The following GPC5 variants were observed in gnomAD, a reference collection of about 807,000 sequenced individuals.
The protein encoded by GPC5 is glypican 5.
In GPC5, 47 loss-of-function variants were observed where a neutral mutation model predicts 53.9. The observed-to-expected ratio is 0.87, with a 90% CI of 0.69 to 1.11. The LOEUF (loss-of-function observed/expected upper bound fraction) is 1.11, where lower values mean the gene tolerates loss of function less well. Ranked by LOEUF, GPC5 falls within the 50% of genes most tolerant of loss-of-function variation. The probability of loss-of-function intolerance (pLI) is 0.00; values close to 1 mark genes in which losing one functional copy is unlikely to be tolerated. For missense variants in GPC5, 748 were observed against 713.1 expected (o/e 1.05, Z -0.56); for synonymous variants, 286 against 263.3 (o/e 1.09, Z -0.84).
intron 6 of GPC5, among the ~76,000 whole-genome samples, chr13:92,048,090 A>G (rs2138834262): frequency 6.6e-6 from 1 of 152,164 alleles, no homozygotes; most frequent in South Asian, 2.1e-4. Context: ...CTTAGACGAT[A>G]GATAACATTA....
At chr13:92,541,945 A>C (rs924168866) in intron 7 of GPC5, among the ~76,000 whole-genome samples, 1 of 152,038 alleles carries the variant, frequency 6.6e-6, no homozygotes, top group African/African-American at 2.4e-5. Flanking sequence ...TTGTAGGTCT[A>C]CTTCTGAAGT....
At chr13:92,020,996 G>T (rs2040753135) in intron 6 of GPC5, among the ~76,000 whole-genome samples, 1 of 152,012 alleles carries the variant, frequency 6.6e-6, no homozygotes, top group Non-Finnish European at 1.5e-5. Context: ...GTTGATTTTT[G>T]TGTACGCCAT....
chr13:92,095,684 G>A lies in GPC5; in HGVS notation c.1402-49146G>A, dbSNP rs1455481482. Among the ~76,000 whole-genome samples, 14 of 152,138 alleles carry A rather than the reference G, an allele frequency of 9.2e-5. 1 individual carries two copies. Among genetic ancestry groups the A allele is most frequent in the Admixed American group, 6.5e-4 (10 of 15,284 alleles). ...TGAGTAGCTGGGATTATAGGCGTGCGCCACCATGCCCGGCTAATTTTGGCA... is the reference window on the plus strand; with the variant it reads ...TGAGTAGCTGGGATTATAGGCGTGCACCACCATGCCCGGCTAATTTTGGCA... On this transcript the variant is annotated intron_variant, in intron 6 of 7. Coordinates refer to ENST00000377067, the MANE Select transcript of GPC5 (RefSeq NM_004466.6).
At chr13:92,683,836 A>G (rs1298287196) in intron 7 of GPC5, among the ~76,000 whole-genome samples, 3 of 152,046 alleles carry the variant, frequency 2.0e-5, no homozygotes, top group Non-Finnish European at 2.9e-5. Flanking sequence ...CATTTCTCCT[A>G]TTTTTAACAT....
At chr13:92,081,463 T>C (rs1312310584) in intron 6 of GPC5, among the ~76,000 whole-genome samples, 3 of 152,146 alleles carry the variant, frequency 2.0e-5, no homozygotes, top group Non-Finnish European at 4.4e-5. Context: ...TGTTGAATAA[T>C]GATGAATAAA....
rs184477142 is a variant in GPC5 at position 92,015,257 on chromosome 13, C to T, written c.1401+107200C>T. ...AATTAGCCAAAAATATCAGTAGTGA[C>T]GGATGCTATTTAGAAACCCTGTCTT... On this transcript the variant is annotated intron_variant, in intron 6 of 7. Transcript: ENST00000377067. Among the ~76,000 whole-genome samples, 137 of 152,212 alleles carry T rather than the reference C, an allele frequency of 9.0e-4. 1 individual carries two copies. The highest frequency in any genetic ancestry group is 3.4e-3 in the Middle Eastern group (1 of 292).
chr13:91,639,515 G>T (rs913720510), intron 2 of GPC5, among the ~76,000 whole-genome samples: 4 of 152,178 alleles, frequency 2.6e-5, no homozygotes, highest in African/African-American at 4.8e-5. Context: ...TCAAAGAAGT[G>T]ATACTTCCTT....
chr13:92,421,236 A>G (rs538136950), intron 7 of GPC5, among the ~76,000 whole-genome samples: 37 of 152,250 alleles, frequency 2.4e-4, no homozygotes, highest in Middle Eastern at 3.4e-3. Context: ...ACAACACACA[A>G]TTCAAAATGT....
At chr13:91,529,464 C>T (rs1007252922) in intron 2 of GPC5, among the ~76,000 whole-genome samples, 2 of 152,064 alleles carry the variant, frequency 1.3e-5, no homozygotes, top group African/African-American at 2.4e-5. Context: ...CTTTATGCTC[C>T]GAAGACATTT....
intron 7 of GPC5, among the ~76,000 whole-genome samples, chr13:92,807,100 G>A (rs1057167310): frequency 1.2e-4 from 19 of 152,066 alleles, no homozygotes; most frequent in African/African-American, 4.6e-4. Context: ...AGATTAAGAG[G>A]GAAATATACA....
chr13:91,475,014 G>A (rs1462146510), intron 2 of GPC5, among the ~76,000 whole-genome samples: 2 of 152,212 alleles, frequency 1.3e-5, no homozygotes, highest in East Asian at 3.9e-4. Context: ...TAGAATAAAA[G>A]GGTTGTAATA....
intron 2 of GPC5, among the ~76,000 whole-genome samples, chr13:91,573,668 C>G (rs1388828611): frequency 6.6e-6 from 1 of 151,878 alleles, no homozygotes; most frequent in Non-Finnish European, 1.5e-5. Flanking sequence ...TTTTCTAGTA[C>G]CAGTATCTAA....
At position 92,803,010 on chromosome 13, in the gene GPC5, T is replaced by C. The variant is rs547358138; in HGVS notation, c.1562-63272T>C. 4.3e-4 allele frequency among the ~76,000 whole-genome samples: 66 copies of C among 152,044 alleles called. No homozygotes were observed. The Middle Eastern group carries it at 0.02, about 47-fold the overall frequency. ...ATGATTAATCCTGCAAAGAATTTCTTGGAATGTAGGCTGGAATAGTCTAAA... is the reference window on the plus strand; with the variant it reads ...ATGATTAATCCTGCAAAGAATTTCTCGGAATGTAGGCTGGAATAGTCTAAA... On this transcript the variant is annotated intron_variant, in intron 7 of 7. Coordinates refer to ENST00000377067, the MANE Select transcript of GPC5 (RefSeq NM_004466.6).
chr13:91,613,158 T>G (rs1473904232), intron 2 of GPC5, among the ~76,000 whole-genome samples: 2 of 152,204 alleles, frequency 1.3e-5, no homozygotes, highest in East Asian at 3.8e-4. Flanking sequence ...TATATGACAT[T>G]ACAGATTGTT....
intron 5 of GPC5, among the ~76,000 whole-genome samples, chr13:91,885,676 C>T (rs1176386512): frequency 6.6e-6 from 1 of 152,150 alleles, no homozygotes; most frequent in Non-Finnish European, 1.5e-5. Flanking sequence ...TGTCAGTTTC[C>T]TTCTCCATGG....
At chr13:91,705,693 A>AC (rs34721619) in intron 3 of GPC5, among the ~76,000 whole-genome samples, 12,753 of 113,374 alleles carry the variant, frequency 0.11, 655 homozygotes, top group East Asian at 0.19. Flanking sequence ...CTCTAAAAAC[A>AC]CCCCCCCCCC....
In GPC5 at chr13:91,620,854, A is replaced by G. The variant is rs149361046; in HGVS notation, c.326-72333A>G. Reference sequence around the variant, plus strand: ...CTCTGCAATACCTTCATTTGCTTTGAGGCTTTTGCTATATTAGATCCTAAA... The same window carrying G: ...CTCTGCAATACCTTCATTTGCTTTGGGGCTTTTGCTATATTAGATCCTAAA... On this transcript the variant is annotated intron_variant, in intron 2 of 7. Coordinates refer to ENST00000377067, the MANE Select transcript of GPC5 (RefSeq NM_004466.6). Among the ~76,000 whole-genome samples the G allele has an allele frequency of 3.4e-3, 524 of 152,228 alleles. 4 individuals are homozygous for G. Among genetic ancestry groups the G allele is most frequent in the African/African-American group, 0.012 (510 of 41,550 alleles).
intron 7 of GPC5, among the ~76,000 whole-genome samples, chr13:92,380,878 T>C (rs1210372111): frequency 6.6e-6 from 1 of 151,060 alleles, no homozygotes; most frequent in African/African-American, 2.4e-5. Flanking sequence ...CTGCACAATG[T>C]GCACATGTAC....
intron 7 of GPC5, among the ~76,000 whole-genome samples, chr13:92,658,653 G>A (rs1255960333): frequency 1.3e-5 from 2 of 152,114 alleles, no homozygotes; most frequent in Non-Finnish European, 2.9e-5. Context: ...GGAACACATT[G>A]TCAGACAGAC....
Sources: gnomAD v4.1 joint callset for allele counts (sites outside exome capture counted in the v4.1 genomes callset) on GRCh38, gnomAD v4.1.1 for gene constraint, MANE v1.5 for transcripts, NCBI Gene and HGNC (gene_info 2026-07-23, HGNC 2026-07-21) for gene names.